The following BRMS1L variants were observed in gnomAD, a reference collection of about 807,000 sequenced individuals.
The protein encoded by BRMS1L is BRMS1 like transcriptional repressor.
A neutral mutation model predicts 50.3 loss-of-function variants in BRMS1L; 23 were observed. The ratio of observed to expected loss-of-function variants is 0.46; its 90% confidence interval spans 0.33 to 0.65. The LOEUF is 0.65. Ranked by LOEUF, BRMS1L falls within the 30% of genes least tolerant of loss-of-function variation. BRMS1L has a pLI of 0.02. For synonymous variants in BRMS1L, 114 were observed against 126.9 expected (o/e 0.90, Z 0.69); for missense variants, 286 against 386.1 (o/e 0.74, Z 2.17).
At chr14:35,865,555 T>C (rs2078409369) in intron 7 of BRMS1L, among the ~76,000 whole-genome samples, 167 bp from the exon 8 acceptor site, 1 of 152,176 alleles carries the variant, frequency 6.6e-6, no homozygotes, top group Non-Finnish European at 1.5e-5. Flanking sequence ...CTCATATTCT[T>C]TATGGTCTTA....
chr14:35,841,451 A>G (rs929787833), intron 4 of BRMS1L, among the ~76,000 whole-genome samples: 3 of 151,986 alleles, frequency 2.0e-5, no homozygotes, highest in Non-Finnish European at 4.4e-5. Context: ...GGTGCCTGCC[A>G]CCACGCCAGC....
intron 4 of BRMS1L, among the ~76,000 whole-genome samples, chr14:35,847,980 A>G (rs1302671577): frequency 2.0e-5 from 3 of 152,146 alleles, no homozygotes; most frequent in East Asian, 1.9e-4. Flanking sequence ...TTGTTTCCAC[A>G]TCTTTGCTGT....
At chr14:35,828,590 C>A (rs1361591895) in intron 1 of BRMS1L, among the ~76,000 whole-genome samples, 1 of 150,044 alleles carries the variant, frequency 6.7e-6, no homozygotes, top group Non-Finnish European at 1.5e-5. Flanking sequence ...TCTCCTGCCT[C>A]AGCCTCCCGA....
chr14:35,845,144 T>A, intron 4 of BRMS1L, among the ~76,000 whole-genome samples: 1 of 152,234 alleles, frequency 6.6e-6, no homozygotes, highest in East Asian at 1.9e-4. Context: ...TTTCTTATTT[T>A]CCATGTAGAT....
intron 3 of BRMS1L, 62 bp from the exon 4 acceptor site, chr14:35,834,782 A>G (rs2077969841): frequency 3.4e-6 from 4 of 1,177,876 alleles, no homozygotes; most frequent in Middle Eastern, 2.0e-4. Context: ...GAATTCCTGT[A>G]GGGAAGTGAT....
chr14:35,826,664 C>T lies in BRMS1L; in HGVS notation c.142+6C>T. On this transcript the variant is annotated splice_donor_region_variant and intron_variant, in intron 1 of 9. Transcript: ENST00000216807. Reference sequence around the variant, plus strand: ...CGAGGATGGAGATAGCTCAGGTGCGCGACCCACTGCTGGGACCCTGAGTCC... The same window carrying T: ...CGAGGATGGAGATAGCTCAGGTGCGTGACCCACTGCTGGGACCCTGAGTCC... 6.2e-7 allele frequency: 1 copy of T among 1,611,002 alleles called. No individual in the cohort carries two copies. Among genetic ancestry groups the T allele is most frequent in the Middle Eastern group, 1.7e-4 (1 of 5,850 alleles).
At chr14:35,831,781 G>A (rs1227827863) in intron 2 of BRMS1L, among the ~76,000 whole-genome samples, 1 of 152,198 alleles carries the variant, frequency 6.6e-6, no homozygotes, top group Non-Finnish European at 1.5e-5. Context: ...TTAGCTGGAT[G>A]TGGTGGTACG....
At chr14:35,828,152 A>G (rs1472757720) in intron 1 of BRMS1L, among the ~76,000 whole-genome samples, 1 of 152,040 alleles carries the variant, frequency 6.6e-6, no homozygotes, top group African/African-American at 2.4e-5. Flanking sequence ...AGAAAAGAGT[A>G]TTTCAGACAT....
chr14:35,832,940 G>C, intron 2 of BRMS1L, 38 bp from the exon 3 acceptor site: 3 of 1,554,692 alleles, frequency 1.9e-6, no homozygotes, highest in East Asian at 2.3e-5. Context: ...CCTTTGTTGA[G>C]ATTTTTAAAT....
intron 8 of BRMS1L, 165 bp from the exon 9 acceptor site, chr14:35,867,741 A>T (rs1228157150): frequency 2.0e-6 from 1 of 507,116 alleles, no homozygotes; most frequent in African/African-American, 2.0e-5. Context: ...ATGTAAAAGA[A>T]TGTAAGGAAT....
chr14:35,829,312 C>T (rs1179838234), intron 1 of BRMS1L, among the ~76,000 whole-genome samples: 1 of 152,146 alleles, frequency 6.6e-6, no homozygotes, highest in Non-Finnish European at 1.5e-5. Flanking sequence ...ATGATAGGAG[C>T]AAGGATCTCA....
chr14:35,865,832 A>G (rs930765034), intron 8 of BRMS1L, 71 bp downstream of exon 8: 1 of 1,297,156 alleles, frequency 7.7e-7, no homozygotes, highest in African/African-American at 1.5e-5. Context: ...TTATCTACGT[A>G]CTAAAGAACT....
intron 4 of BRMS1L, among the ~76,000 whole-genome samples, chr14:35,838,806 C>G (rs1256032278): frequency 6.6e-6 from 1 of 152,004 alleles, no homozygotes; most frequent in Non-Finnish European, 1.5e-5. Flanking sequence ...AAAATTTTCT[C>G]CCATTCTGTA....
At chr14:35,851,204 G>A (rs997587717) in intron 4 of BRMS1L, among the ~76,000 whole-genome samples, 31 of 152,172 alleles carry the variant, frequency 2.0e-4, no homozygotes, top group African/African-American at 7.5e-4. Context: ...TTCATTACAA[G>A]TTATTATTTG....
chr14:35,839,854 C>G lies in BRMS1L; in HGVS notation c.441+4931C>G, dbSNP rs748386256. ...ACTTCCCCTCTTCCTATTTGAATACCCTTTATTTCTTTCTCTTGCCGGATT... is the reference window on the plus strand; with the variant it reads ...ACTTCCCCTCTTCCTATTTGAATACGCTTTATTTCTTTCTCTTGCCGGATT... On this transcript the variant is annotated intron_variant, in intron 4 of 9. Coordinates refer to ENST00000216807, the MANE Select transcript of BRMS1L (RefSeq NM_032352.4). Among the ~76,000 whole-genome samples the G allele has an allele frequency of 3.9e-5, 6 of 152,230 alleles. No homozygotes were observed. The South Asian group carries it at 6.2e-4, about 16-fold the overall frequency.
At chr14:35,845,625 AG>A (rs2078123667) in intron 4 of BRMS1L, among the ~76,000 whole-genome samples, 1 of 152,250 alleles carries the variant, frequency 6.6e-6, no homozygotes, top group Non-Finnish European at 1.5e-5. Flanking sequence ...TTTGATTACA[AG>A]ATTCATAAAC....
intron 4 of BRMS1L, among the ~76,000 whole-genome samples, chr14:35,847,687 T>C (rs534076600): frequency 6.6e-6 from 1 of 152,342 alleles, no homozygotes; most frequent in South Asian, 2.1e-4. Flanking sequence ...TCTGGCATAC[T>C]GAAACTTTAT....
chr14:35,845,509 GT>G (rs1295259337), intron 4 of BRMS1L, among the ~76,000 whole-genome samples: 2 of 152,180 alleles, frequency 1.3e-5, no homozygotes, highest in African/African-American at 2.4e-5. Flanking sequence ...GACTTAGGTT[GT>G]TAATGGATTT....
chr14:35,858,615 G>C (rs935125571), intron 4 of BRMS1L: 3 of 152,344 alleles, frequency 2.0e-5, no homozygotes, highest in Admixed American at 2.0e-4. Context: ...TTAGCTGGAT[G>C]GTTCTGGCTC....
Sources: gnomAD v4.1 joint callset for allele counts (sites outside exome capture counted in the v4.1 genomes callset) on GRCh38, gnomAD v4.1.1 for gene constraint, MANE v1.5 for transcripts, NCBI Gene and HGNC (gene_info 2026-07-23, HGNC 2026-07-21) for gene names.